OCA2: variants seen among roughly 807,000 people sequenced by gnomAD.
OCA2 encodes P protein.
A neutral mutation model predicts 100.2 loss-of-function variants in OCA2; 77 were observed. That is an observed-to-expected ratio of 0.77 (90% confidence interval 0.64 to 0.93). OCA2 has a LOEUF of 0.93. OCA2 is among the 40% of genes least tolerant of loss of function. OCA2 has a pLI of 0.00. For missense variants in OCA2, 1,062 were observed against 1,089.1 expected, an observed-to-expected ratio of 0.98 and a Z score of 0.35; for synonymous variants, 432 against 439.2, an observed-to-expected ratio of 0.98 and a Z score of 0.21.
intron 22 of OCA2, among the ~76,000 whole-genome samples, chr15:27,850,939 G>A (rs2035725381): frequency 6.6e-6 from 1 of 152,126 alleles, no homozygotes; most frequent in South Asian, 2.1e-4. Flanking sequence ...TCTCCAAAGT[G>A]CAATGCCCAC....
At chr15:27,762,486 T>C (rs1057472597) in intron 23 of OCA2, among the ~76,000 whole-genome samples, 1 of 152,210 alleles carries the variant, frequency 6.6e-6, no homozygotes, top group Non-Finnish European at 1.5e-5. Flanking sequence ...AAGAGCAGAA[T>C]AATGAGCCAT....
chr15:27,857,419 G>C (rs188710939), intron 21 of OCA2, among the ~76,000 whole-genome samples: 2 of 152,228 alleles, frequency 1.3e-5, no homozygotes, highest in East Asian at 3.9e-4. Context: ...AGGGAATGGG[G>C]AATTATTTTT....
intron 19 of OCA2, among the ~76,000 whole-genome samples, chr15:27,903,112 C>T (rs1445163271): frequency 6.6e-6 from 1 of 152,240 alleles, no homozygotes; most frequent in Non-Finnish European, 1.5e-5. Flanking sequence ...GGGGTCCCAG[C>T]GCTCCTGCGC....
intron 2 of OCA2, among the ~76,000 whole-genome samples, chr15:28,044,064 C>A (rs986369781): frequency 6.6e-6 from 1 of 152,182 alleles, no homozygotes; most frequent in Non-Finnish European, 1.5e-5. Flanking sequence ...GAGCTCATTC[C>A]ATTTTGCCAG....
Position 27,871,266 on chromosome 15 carries a change from G to A in OCA2, c.2140-8C>T. 1 of 1,605,868 alleles carries A rather than the reference G, an allele frequency of 6.2e-7. No homozygotes were observed. Among genetic ancestry groups the A allele is most frequent in the African/African-American group, 1.3e-5 (1 of 74,854 alleles). On this transcript the variant is annotated splice_polypyrimidine_tract_variant and splice_region_variant and intron_variant, in intron 20 of 23. Coordinates refer to ENST00000354638, the MANE Select transcript of OCA2 (RefSeq NM_000275.3). ...CTGCTCCTCTGGGACCATCTGGAAG[G>A]AGGACAATAGCAGCTGCAGTGTTCC...
intron 23 of OCA2, among the ~76,000 whole-genome samples, chr15:27,794,706 G>T (rs1595422331): frequency 6.6e-6 from 1 of 152,158 alleles, no homozygotes; most frequent in East Asian, 1.9e-4. Flanking sequence ...CCAAATGATG[G>T]TGTAGAGAAG....
At chr15:27,972,828 ATTTTATTTTATTTTATTTTATTTTAT>A (rs1218323055) in intron 14 of OCA2, among the ~76,000 whole-genome samples, 2 of 113,328 alleles carry the variant, frequency 1.8e-5, no homozygotes, top group African/African-American at 9.2e-5. Flanking sequence ...TGGTTATTTT[ATTTTATTTTATTTTATTTTATTTTAT>A]TTTATTTTAT....
chr15:27,915,653 G>A (rs1579936), intron 19 of OCA2, among the ~76,000 whole-genome samples: 8,208 of 152,110 alleles, frequency 0.054, 748 homozygotes, highest in African/African-American at 0.19. Flanking sequence ...GAAATGAGAT[G>A]GCATCTCATG....
chr15:27,854,747 A>G (rs2035891397), intron 21 of OCA2, among the ~76,000 whole-genome samples: 1 of 152,146 alleles, frequency 6.6e-6, no homozygotes, highest in Non-Finnish European at 1.5e-5. Flanking sequence ...GCTAACACAC[A>G]CACATCACTG....
chr15:27,868,632 G>T (rs982102420), intron 21 of OCA2, among the ~76,000 whole-genome samples: 3 of 152,082 alleles, frequency 2.0e-5, no homozygotes, highest in African/African-American at 7.2e-5. Flanking sequence ...CATTCCAGGG[G>T]CCGTGGTATG....
chr15:27,727,087 C>T, the OCA2 span, among the ~76,000 whole-genome samples: 2 of 152,284 alleles, frequency 1.3e-5, no homozygotes, highest in East Asian at 1.9e-4. Context: ...TGTTAGAAGG[C>T]GCACCATGTG....
intron 19 of OCA2, among the ~76,000 whole-genome samples, chr15:27,886,463 T>C (rs908589101): frequency 1.1e-4 from 17 of 152,194 alleles, no homozygotes; most frequent in Non-Finnish European, 2.2e-4. Context: ...CTACTATTTA[T>C]AATGGCAGGT....
At chr15:27,719,039 C>T in the OCA2 span, among the ~76,000 whole-genome samples, 33 of 152,264 alleles carry the variant, frequency 2.2e-4, no homozygotes, top group African/African-American at 7.2e-4. Flanking sequence ...ATTGTATTGG[C>T]CCAGCCCCAA....
chr15:27,956,868 T>G (rs916349760), intron 16 of OCA2, among the ~76,000 whole-genome samples: 2 of 152,218 alleles, frequency 1.3e-5, no homozygotes, highest in African/African-American at 4.8e-5. Context: ...GACCCCTCAG[T>G]GCACAGCGAA....
intron 14 of OCA2, among the ~76,000 whole-genome samples, chr15:27,979,283 C>G (rs146699697): frequency 6.6e-6 from 1 of 152,118 alleles, no homozygotes; most frequent in African/African-American, 2.4e-5. Context: ...CACATTTTGG[C>G]TTATGATATT....
chr15:27,853,932 G>T (rs1480119228), intron 21 of OCA2, among the ~76,000 whole-genome samples: 1 of 152,194 alleles, frequency 6.6e-6, no homozygotes, highest in African/African-American at 2.4e-5. Flanking sequence ...GAATTAAGGG[G>T]CAAGAGAGCC....
At chr15:27,831,424 C>T (rs1010959326) in intron 23 of OCA2, among the ~76,000 whole-genome samples, 5 of 152,188 alleles carry the variant, frequency 3.3e-5, no homozygotes, top group African/African-American at 1.2e-4. Context: ...GCGTCGACAG[C>T]GCTGAGCAGG....
chr15:27,824,226 G>C (rs912487356), intron 23 of OCA2, among the ~76,000 whole-genome samples: 2 of 152,032 alleles, frequency 1.3e-5, no homozygotes, highest in Non-Finnish European at 2.9e-5. Context: ...AAATTAGCTG[G>C]GCATGGTGGC....
intron 21 of OCA2, among the ~76,000 whole-genome samples, chr15:27,861,855 C>T (rs140941997): frequency 5.3e-5 from 8 of 152,186 alleles, no homozygotes; most frequent in Admixed American, 5.2e-4. Flanking sequence ...GATCCGCCTG[C>T]GAATGATCAG....
Sources: gnomAD v4.1 joint callset for allele counts (sites outside exome capture counted in the v4.1 genomes callset) on GRCh38, gnomAD v4.1.1 for gene constraint, MANE v1.5 for transcripts, NCBI Gene and HGNC (gene_info 2026-07-23, HGNC 2026-07-21) for gene names.